ABHD3: variants seen among roughly 807,000 people sequenced by gnomAD.
ABHD3 encodes abhydrolase domain containing 3, phospholipase.
In ABHD3, 46 loss-of-function variants were observed where a neutral mutation model predicts 48.8. That is an observed-to-expected ratio of 0.94 (90% CI 0.74 to 1.20). The LOEUF is 1.20. Ranked by LOEUF, ABHD3 falls within the 50% of genes most tolerant of loss-of-function variation. The probability of loss-of-function intolerance (pLI) is 0.00; values close to 1 mark genes in which losing one functional copy is unlikely to be tolerated. For synonymous variants in ABHD3, 192 were observed against 183.7 expected (o/e 1.04, Z -0.36); for missense variants, 490 against 497.8 (o/e 0.98, Z 0.15).
At chr18:21,668,407 T>C (rs571689022) in intron 4 of ABHD3, among the ~76,000 whole-genome samples, 3 of 152,168 alleles carry the variant, frequency 2.0e-5, no homozygotes, top group East Asian at 1.9e-4. Context: ...ATTCTTATTA[T>C]ATAGGCTTTA....
chr18:21,691,177 A>G (rs760254452), intron 3 of ABHD3, among the ~76,000 whole-genome samples: 6 of 152,184 alleles, frequency 3.9e-5, no homozygotes, highest in Non-Finnish European at 7.3e-5. Flanking sequence ...CTTCATGACA[A>G]GAGGTCAAGA....
At chr18:21,700,595 T>C (rs974220996) in intron 3 of ABHD3, among the ~76,000 whole-genome samples, 4 of 151,528 alleles carry the variant, frequency 2.6e-5, no homozygotes, top group African/African-American at 9.7e-5. Context: ...AGACGAGGTT[T>C]CACCATGTTG....
chr18:21,689,476 G>A (rs1046524174), intron 3 of ABHD3, among the ~76,000 whole-genome samples: 1 of 149,506 alleles, frequency 6.7e-6, no homozygotes, highest in Non-Finnish European at 1.5e-5. Flanking sequence ...TTGAATCCGG[G>A]AGGCGGAGTT....
intron 3 of ABHD3, among the ~76,000 whole-genome samples, chr18:21,685,584 G>A (rs1476350788): frequency 2.0e-5 from 3 of 152,182 alleles, no homozygotes; most frequent in Admixed American, 6.5e-5. Flanking sequence ...GCTGGAGTGC[G>A]GTGGCGCGGT....
intron 4 of ABHD3, among the ~76,000 whole-genome samples, chr18:21,665,519 T>G (rs901996588): frequency 6.6e-6 from 1 of 151,570 alleles, no homozygotes; most frequent in Non-Finnish European, 1.5e-5. Flanking sequence ...CATTATTTAT[T>G]AAAAAACAAA....
At chr18:21,703,782 A>G (rs1431583400) in intron 1 of ABHD3, 35 bp from the exon 2 acceptor site, 2 of 1,593,260 alleles carry the variant, frequency 1.3e-6, no homozygotes, top group Admixed American at 1.7e-5. Flanking sequence ...AAGGGCCCAG[A>G]GCAAAGTTTC....
At chr18:21,668,792 T>C (rs1733451456) in intron 4 of ABHD3, among the ~76,000 whole-genome samples, 1 of 152,220 alleles carries the variant, frequency 6.6e-6, no homozygotes, top group Non-Finnish European at 1.5e-5. Context: ...ATATTGCCAA[T>C]GAAGGAGTGT....
chr18:21,662,576 G>C (rs995716400), intron 5 of ABHD3, among the ~76,000 whole-genome samples: 1 of 152,212 alleles, frequency 6.6e-6, no homozygotes, highest in Non-Finnish European at 1.5e-5. Context: ...GATTACCCCA[G>C]TCCATGGGGC....
At chr18:21,697,353 G>T (rs996746871) in intron 3 of ABHD3, among the ~76,000 whole-genome samples, 1 of 151,402 alleles carries the variant, frequency 6.6e-6, no homozygotes, top group African/African-American at 2.4e-5. Flanking sequence ...GATTATAGGC[G>T]TGAGCTACCG....
At position 21,659,309 on chromosome 18, in the gene ABHD3, A is replaced by G. The variant is rs761720997; in HGVS notation, c.703T>C (p.Ser235Pro). ...LLLNYLGKIGSKTPLMAAATF... is the reference protein window; with the variant it reads ...LLLNYLGKIGPKTPLMAAATF... ...GCAGCTGCCATCAAAGGCGTTTTGG[A>G]CCCAATTTTGCCCAAGTAATTTAGA... The change falls in exon 6 of 9, where the codon TCC becomes CCC. Residue 235 changes from serine (S) to proline (P), a missense_variant. Coordinates refer to ENST00000289119, the MANE Select transcript of ABHD3 (RefSeq NM_138340.5). The G allele has an allele frequency of 6.2e-7, 1 of 1,612,264 alleles. No individual in the cohort carries two copies.
chr18:21,703,321 C>T (rs949886517), intron 2 of ABHD3, among the ~76,000 whole-genome samples: 3 of 149,444 alleles, frequency 2.0e-5, no homozygotes, highest in Admixed American at 6.8e-5. Context: ...ACAGTAATCC[C>T]CAAACACTTC....
At chr18:21,680,919 G>A (rs2039992517) in intron 4 of ABHD3, among the ~76,000 whole-genome samples, 3 of 149,418 alleles carry the variant, frequency 2.0e-5, no homozygotes, top group Non-Finnish European at 4.4e-5. Context: ...TTTGAGACAG[G>A]GTTTCCATAT....
intron 5 of ABHD3, 35 bp downstream of exon 5, chr18:21,664,083 C>T (rs1432285416): frequency 6.3e-7 from 1 of 1,586,356 alleles, no homozygotes; most frequent in East Asian, 2.2e-5. Context: ...AATAGCTTCC[C>T]TCTCAGAGAT....
chr18:21,680,882 A>ATG (rs1568152796), intron 4 of ABHD3, among the ~76,000 whole-genome samples: 1 of 113,012 alleles, frequency 8.8e-6, no homozygotes, highest in African/African-American at 3.8e-5. Flanking sequence ...GTGTGTGTGT[A>ATG]TATATATATA....
intron 5 of ABHD3, among the ~76,000 whole-genome samples, chr18:21,660,983 A>T (rs908043673): frequency 6.6e-6 from 1 of 151,940 alleles, no homozygotes; most frequent in Non-Finnish European, 1.5e-5. Flanking sequence ...AAGCAGGTGG[A>T]ATACGTCTTG....
At chr18:21,674,226 CTT>C (rs950445627) in intron 4 of ABHD3, among the ~76,000 whole-genome samples, 3 of 102,312 alleles carry the variant, frequency 2.9e-5, no homozygotes, top group African/African-American at 1.6e-4. Flanking sequence ...ACAAAACATT[CTT>C]TCTTTTATTT....
At chr18:21,684,811 G>A (rs888066715) in intron 3 of ABHD3, among the ~76,000 whole-genome samples, 8 of 152,142 alleles carry the variant, frequency 5.3e-5, no homozygotes, top group African/African-American at 1.9e-4. Flanking sequence ...ACCTGAGCTG[G>A]TGGGATGGGC....
In ABHD3 at chr18:21,702,720, G is replaced by A. The variant is rs184828409; in HGVS notation, c.327-222C>T. Among the ~76,000 whole-genome samples the A allele has an allele frequency of 1.5e-3, 221 of 152,232 alleles. 1 individual carries two copies. The highest frequency in any genetic ancestry group is 4.9e-3 in the African/African-American group (205 of 41,536). ...TTTCCAGCAACCTCCGTACAAGGTC[G>A]TATATAAAAATGAACTGCTAATTAT... On this transcript the variant is annotated intron_variant, in intron 2 of 8. Coordinates refer to ENST00000289119, the MANE Select transcript of ABHD3 (RefSeq NM_138340.5).
chr18:21,692,373 T>C (rs1249637510), intron 3 of ABHD3, among the ~76,000 whole-genome samples: 2 of 152,208 alleles, frequency 1.3e-5, no homozygotes, highest in Admixed American at 6.5e-5. Flanking sequence ...GAACTGGATA[T>C]ATACTAAGTA....
Sources: allele counts gnomAD v4.1 joint callset (sites outside exome capture counted in the v4.1 genomes callset), GRCh38; gene constraint gnomAD v4.1.1; transcripts MANE v1.5; gene names NCBI Gene and HGNC (gene_info 2026-07-23, HGNC 2026-07-21).